The following CCND3 variants were observed in gnomAD, a reference collection of about 807,000 sequenced individuals.
The protein encoded by CCND3 is G1/S-specific cyclin-D3.
CCND3 carries 9 observed loss-of-function variants against 28.7 expected under a neutral mutation model. The observed-to-expected ratio is 0.31, with a 90% CI of 0.19 to 0.55. The LOEUF is 0.55. Among genes scored for constraint, CCND3 ranks in the 20% least tolerant of loss-of-function variants. The pLI is 0.93. For synonymous variants in CCND3, 164 were observed against 163.9 expected, an observed-to-expected ratio of 1.00 and a Z score of 0.00; for missense variants, 315 against 385.8, an observed-to-expected ratio of 0.82 and a Z score of 1.54.
intron 1 of CCND3, among the ~76,000 whole-genome samples, chr6:41,984,657 T>C (rs1462757756): frequency 1.3e-5 from 2 of 152,188 alleles, no homozygotes; most frequent in Non-Finnish European, 2.9e-5. Context: ...GGGTAGTTGC[T>C]GTTTTTAAGT....
chr6:41,959,301 C>G (rs1364010362), intron 1 of CCND3, among the ~76,000 whole-genome samples: 1 of 150,710 alleles, frequency 6.6e-6, no homozygotes, highest in Non-Finnish European at 1.5e-5. Context: ...GCAACAAGAG[C>G]AAAACTCCAT....
rs931369309 is a variant in CCND3 at position 42,016,046 on chromosome 6, C to T, written c.-46+32455G>A. Among the ~76,000 whole-genome samples, 8 of 152,020 alleles carry T rather than the reference C, an allele frequency of 5.3e-5. No individual in the cohort carries two copies. In the East Asian group the frequency reaches 1.4e-3, roughly 26 times the overall value. On this transcript the variant is annotated intron_variant, in intron 1 of 4. Transcript: ENST00000372988. ...CTCTGCCTCCCAGGTTCAAGAAATT[C>T]TGCCTCAGCCTCCTGAGTAGCTGGG...
chr6:41,976,195 T>TA (rs1762179315), intron 1 of CCND3, among the ~76,000 whole-genome samples: 1 of 151,860 alleles, frequency 6.6e-6, no homozygotes, highest in Admixed American at 6.6e-5. Flanking sequence ...CCACTAAAAA[T>TA]ACAAAAATTA....
chr6:41,959,311 T>C (rs1265354058), intron 1 of CCND3, among the ~76,000 whole-genome samples: 2 of 149,776 alleles, frequency 1.3e-5, no homozygotes, highest in African/African-American at 2.5e-5. Flanking sequence ...CAAAACTCCA[T>C]CTCAAAATAA....
chr6:42,034,357 A>G (rs1000311356), intron 1 of CCND3, among the ~76,000 whole-genome samples: 2 of 151,252 alleles, frequency 1.3e-5, no homozygotes, highest in Non-Finnish European at 2.9e-5. Context: ...CATGTTGGCC[A>G]GGCTGGTCTT....
Position 42,028,488 on chromosome 6 carries a change from G to A in CCND3, c.-46+20013C>T, listed in dbSNP as rs909974017. 6.8e-4 allele frequency among the ~76,000 whole-genome samples: 104 copies of A among 152,284 alleles called. 1 individual carries two copies. The highest frequency in any genetic ancestry group is 2.4e-3 in the African/African-American group (99 of 41,566). On this transcript the variant is annotated intron_variant, in intron 1 of 4. Transcript: ENST00000372988. The stretch of plus-strand genomic sequence containing the variant: ...CCGGGTTGGACACCCTTACCACCAC[G>A]GTCACCGTTGCCACACTGTCGGCTG...
chr6:41,993,925 T>TA (rs201027925), intron 1 of CCND3, among the ~76,000 whole-genome samples: 7 of 121,246 alleles, frequency 5.8e-5, no homozygotes, highest in African/African-American at 2.3e-4. Flanking sequence ...ACTCTTGTCT[T>TA]AAAAAAAAAA....
chr6:42,040,038 C>T (rs1265606743), intron 1 of CCND3, among the ~76,000 whole-genome samples: 1 of 152,240 alleles, frequency 6.6e-6, no homozygotes, highest in Non-Finnish European at 1.5e-5. Flanking sequence ...GACAATGTCT[C>T]AACAGGGAAC....
chr6:42,049,449 G>C (rs1764662710), upstream of CCND3, among the ~76,000 whole-genome samples: 1 of 152,206 alleles, frequency 6.6e-6, no homozygotes, highest in Non-Finnish European at 1.5e-5. Context: ...GAGGATTAAG[G>C]TCAAGTGCCC....
intron 1 of CCND3, among the ~76,000 whole-genome samples, chr6:42,043,655 G>A (rs1247798489): frequency 2.6e-5 from 4 of 152,158 alleles, no homozygotes; most frequent in South Asian, 2.1e-4. Context: ...CCGAGATCAC[G>A]CCACTGCACT....
chr6:41,983,683 T>C (rs1175273880), intron 1 of CCND3, among the ~76,000 whole-genome samples: 3 of 151,834 alleles, frequency 2.0e-5, no homozygotes, highest in East Asian at 3.9e-4. Context: ...CTACAAAAAA[T>C]ACAAAAATTA....
chr6:41,992,763 G>A (rs1299476819), intron 1 of CCND3, among the ~76,000 whole-genome samples: 1 of 151,762 alleles, frequency 6.6e-6, no homozygotes, highest in Non-Finnish European at 1.5e-5. Context: ...TATCTATCTT[G>A]GGACAGGGTC....
At chr6:41,949,974 G>T (rs1158844176) in intron 1 of CCND3, among the ~76,000 whole-genome samples, 1 of 151,144 alleles carries the variant, frequency 6.6e-6, no homozygotes. Flanking sequence ...GTGGTGGCGG[G>T]TGCCTGTAGT....
chr6:41,998,275 G>A (rs368877652), intron 1 of CCND3, among the ~76,000 whole-genome samples: 44 of 118,350 alleles, frequency 3.7e-4, no homozygotes, highest in African/African-American at 1.3e-3. Flanking sequence ...GCGGCAGAGC[G>A]AGACTCCACC....
In CCND3 at chr6:41,961,073, C is replaced by T. The variant is rs115160969; in HGVS notation, c.-45-20488G>A. Among the ~76,000 whole-genome samples, 105 of 152,342 alleles carry T rather than the reference C, an allele frequency of 6.9e-4. 1 individual carries two copies. The highest frequency in any genetic ancestry group is 2.4e-3 in the African/African-American group (101 of 41,576). On this transcript the variant is annotated intron_variant, in intron 1 of 4. Coordinates refer to the CCND3 transcript ENST00000372988. ...GCACAGGCTGAGCAGAAGCAACCCT[C>T]GTTTCTGAGCAAACAATCCAGGGGA...
upstream of CCND3, chr6:41,941,990 T>C (rs1776051495): frequency 6.1e-6 from 1 of 163,948 alleles, no homozygotes; most frequent in South Asian, 2.0e-4. The surrounding 1 kb of genome is among the most constrained non-coding windows in gnomAD (Gnocchi z 6.1). Context: ...CCAGGCCCTC[T>C]GGACCACCGG....
At chr6:42,011,314 G>A (rs891948488) in intron 1 of CCND3, among the ~76,000 whole-genome samples, 8 of 151,966 alleles carry the variant, frequency 5.3e-5, no homozygotes, top group African/African-American at 1.5e-4. Context: ...TTGTAGAGAC[G>A]GGATCTAACT....
intron 1 of CCND3, among the ~76,000 whole-genome samples, chr6:42,025,395 A>G (rs144071893): frequency 6.6e-6 from 1 of 152,318 alleles, no homozygotes; most frequent in Non-Finnish European, 1.5e-5. Flanking sequence ...GCAGTTGGTG[A>G]ACTAGGGCCA....
rs146501553 is a variant in CCND3 at position 41,993,291 on chromosome 6, T to G, written c.-45-52706A>C. 1.1e-3 allele frequency among the ~76,000 whole-genome samples: 160 copies of G among 152,290 alleles called. No homozygotes were observed. The Middle Eastern group carries it at 0.024, about 23-fold the overall frequency. Reference sequence around the variant, plus strand: ...CCCACCAACCGTCTATGAGATCCCTTTTCTCCTCATCCTCACAGCATAGAT... The same window carrying G: ...CCCACCAACCGTCTATGAGATCCCTGTTCTCCTCATCCTCACAGCATAGAT... On this transcript the variant is annotated intron_variant, in intron 1 of 4. Coordinates refer to the CCND3 transcript ENST00000372988.
Sources: allele counts gnomAD v4.1 joint callset (sites outside exome capture counted in the v4.1 genomes callset), GRCh38; gene constraint gnomAD v4.1.1; non-coding constraint Gnocchi (gnomAD v3.1); transcripts MANE v1.5; gene names NCBI Gene and HGNC (gene_info 2026-07-23, HGNC 2026-07-21).